The following ZNF627 variants were observed in gnomAD, a reference collection of about 807,000 sequenced individuals.
ZNF627 encodes the protein zinc finger protein 627.
In ZNF627, 12 loss-of-function variants were observed where a neutral mutation model predicts 10.6. The ratio of observed to expected loss-of-function variants is 1.13; its 90% confidence interval spans 0.73 to 1.84. The LOEUF (loss-of-function observed/expected upper bound fraction) is 1.84. Ranked by LOEUF, ZNF627 falls within the 40% of genes most tolerant of loss-of-function variation. The pLI, the probability that ZNF627 is intolerant of heterozygous loss-of-function variation, is 0.00. For synonymous variants in ZNF627, 176 were observed against 187.1 expected (o/e 0.94, Z 0.48); for missense variants, 504 against 568.4 (o/e 0.89, Z 1.15).
At chr19:11,603,974 ATT>A (rs113212956) in intron 1 of ZNF627, among the ~76,000 whole-genome samples, 7 of 141,772 alleles carry the variant, frequency 4.9e-5, no homozygotes, top group Admixed American at 1.4e-4. Context: ...CATCTGGCTA[ATT>A]TTTTTTTTTT....
intron 1 of ZNF627, among the ~76,000 whole-genome samples, chr19:11,613,069 C>CT: frequency 1.1e-5 from 1 of 88,770 alleles, no homozygotes; most frequent in African/African-American, 4.5e-5. Flanking sequence ...TGTACCTCCC[C>CT]TCCCCTCCCT....
At chr19:11,599,256 C>G (rs562256068) in intron 1 of ZNF627, among the ~76,000 whole-genome samples, 62 of 152,154 alleles carry the variant, frequency 4.1e-4, no homozygotes, top group Non-Finnish European at 7.2e-4. Context: ...GTCCTGGGGT[C>G]GGAGGAATCT....
chr19:11,598,231 T>G (rs1973526014), intron 1 of ZNF627, among the ~76,000 whole-genome samples: 1 of 152,164 alleles, frequency 6.6e-6, no homozygotes, highest in South Asian at 2.1e-4. Context: ...AAACTGGTAA[T>G]TTATAAGAAT....
chr19:11,614,508 C>T lies in ZNF627; in HGVS notation c.4-19C>T. ...TGTCTGTCTCAACCTTCCTCCTCCACACATGGGGGATGTTTCAGGATTCAG... is the reference window on the plus strand; with the variant it reads ...TGTCTGTCTCAACCTTCCTCCTCCATACATGGGGGATGTTTCAGGATTCAG... On this transcript the variant is annotated intron_variant, in intron 1 of 3. Transcript: ENST00000361113. 1.2e-6 allele frequency: 2 copies of T among 1,613,694 alleles called. No homozygotes were observed. The highest frequency in any genetic ancestry group is 8.5e-7 in the Non-Finnish European group (1 of 1,179,920).
chr19:11,605,227 T>G (rs1420053586), intron 1 of ZNF627, among the ~76,000 whole-genome samples: 1 of 151,628 alleles, frequency 6.6e-6, no homozygotes, highest in Non-Finnish European at 1.5e-5. Context: ...GGGTTACAGG[T>G]GCCCACCACC....
chr19:11,613,065 T>C, intron 1 of ZNF627, among the ~76,000 whole-genome samples: 2 of 79,294 alleles, frequency 2.5e-5, no homozygotes, highest in Non-Finnish European at 5.2e-5. Flanking sequence ...AATGTGTACC[T>C]CCCCTCCCCT....
At chr19:11,598,644 T>C (rs182923112) in intron 1 of ZNF627, among the ~76,000 whole-genome samples, 40 of 152,256 alleles carry the variant, frequency 2.6e-4, no homozygotes, top group African/African-American at 8.4e-4. Flanking sequence ...TTCACCATAT[T>C]CCCAAAAGGT....
At chr19:11,600,198 T>G (rs75024937) in intron 1 of ZNF627, among the ~76,000 whole-genome samples, 2,969 of 152,182 alleles carry the variant, frequency 0.02, 93 homozygotes, top group East Asian at 0.13. Flanking sequence ...CCCAGCACTT[T>G]GGGAGGCTGA....
At chr19:11,614,791 C>G (rs1973837571) in intron 2 of ZNF627, 36 bp from the exon 3 acceptor site, 1 of 1,589,460 alleles carries the variant, frequency 6.3e-7, no homozygotes, top group Non-Finnish European at 8.6e-7. Flanking sequence ...TAATTTTATA[C>G]TAATTCATAA....
intron 1 of ZNF627, among the ~76,000 whole-genome samples, chr19:11,604,742 T>A (rs1352906857): frequency 1.3e-5 from 2 of 152,198 alleles, no homozygotes; most frequent in South Asian, 2.1e-4. Flanking sequence ...AGGAAAAGTT[T>A]ATTAAGCACA....
intron 1 of ZNF627, among the ~76,000 whole-genome samples, chr19:11,606,415 G>T (rs1377385788): frequency 6.6e-6 from 1 of 152,158 alleles, no homozygotes; most frequent in Non-Finnish European, 1.5e-5. Flanking sequence ...CAAGAGGTGG[G>T]CTCCCTCAAC....
chr19:11,603,379 T>G (rs1293128056), intron 1 of ZNF627, among the ~76,000 whole-genome samples: 1 of 146,996 alleles, frequency 6.8e-6, no homozygotes, highest in African/African-American at 2.5e-5. Flanking sequence ...GCCTCCGGGC[T>G]CAAGTGATTC....
In ZNF627 at chr19:11,616,932, G is replaced by A; in HGVS notation, c.429G>A (p.Gln143=). 1.2e-6 allele frequency: 2 copies of A among 1,614,194 alleles called. No homozygotes were observed. The highest frequency in any genetic ancestry group is 1.7e-6 in the Non-Finnish European group (2 of 1,180,034). ...EYGKKSYTRN[Q]CGRALSYHRS... Reference sequence around the variant, plus strand: ...GAAAGAAGTCATATACACGTAACCAGTGTGGACGAGCCTTGAGTTATCATC... The same window carrying A: ...GAAAGAAGTCATATACACGTAACCAATGTGGACGAGCCTTGAGTTATCATC... Residue 143 remains glutamine (Q), a synonymous_variant, in exon 4 of 4, where the codon CAG becomes CAA. Transcript: ENST00000361113.
intron 1 of ZNF627, among the ~76,000 whole-genome samples, chr19:11,604,819 A>C (rs1159832251): frequency 1.3e-5 from 2 of 152,186 alleles, no homozygotes; most frequent in African/African-American, 2.4e-5. Flanking sequence ...TGCAGCAGGA[A>C]TATTATTGGA....
intron 1 of ZNF627, among the ~76,000 whole-genome samples, chr19:11,614,020 C>T (rs981228722): frequency 6.8e-6 from 1 of 148,064 alleles, no homozygotes; most frequent in Non-Finnish European, 1.5e-5. Flanking sequence ...CTTCTGGGTT[C>T]ACGCCATTCT....
At chr19:11,610,607 C>A (rs540251715) in intron 1 of ZNF627, among the ~76,000 whole-genome samples, 20 of 152,166 alleles carry the variant, frequency 1.3e-4, no homozygotes, top group African/African-American at 3.9e-4. Flanking sequence ...TGTCTAAAAA[C>A]AACAACAAAA....
rs1487198109 is a variant in ZNF627 at position 11,616,786 on chromosome 19, A to C, written c.283A>C (p.Thr95Pro). Residue 95 changes from threonine (T) to proline (P), a missense_variant, in exon 4 of 4, where the codon ACT becomes CCT. Physicochemically the swap from Thr to Pro is conservative, Grantham distance 38. Coordinates refer to ENST00000361113, the MANE Select transcript of ZNF627 (RefSeq NM_145295.4). ...QIPDGILNKK[T>P]PGVKPCESSV... ...TCCAGATGGTATTCTGAACAAGAAAACTCCTGGAGTAAAACCGTGTGAAAG... is the reference window on the plus strand; with the variant it reads ...TCCAGATGGTATTCTGAACAAGAAACCTCCTGGAGTAAAACCGTGTGAAAG... 2 of 1,613,828 alleles carry C rather than the reference A, an allele frequency of 1.2e-6. No homozygotes were observed.
intron 1 of ZNF627, among the ~76,000 whole-genome samples, chr19:11,602,773 G>A (rs1261329275): frequency 6.6e-6 from 1 of 152,230 alleles, no homozygotes; most frequent in Non-Finnish European, 1.5e-5. Context: ...TATGAAAAAA[G>A]ACACTAGAGA....
Position 11,619,110 on chromosome 19 carries a change from G to A in ZNF627, c.*1221G>A, listed in dbSNP as rs1973928253. 1.3e-5 allele frequency: 2 copies of A among 152,068 alleles called. No homozygotes were observed. The highest frequency in any genetic ancestry group is 4.8e-5 in the African/African-American group (2 of 41,408). 9.4% of individuals were successfully genotyped at this position (152,068 alleles called of 1,614,324 possible). On this transcript the variant is annotated 3_prime_UTR_variant, in exon 4 of 4. Coordinates refer to ENST00000361113, the MANE Select transcript of ZNF627 (RefSeq NM_145295.4). The stretch of plus-strand genomic sequence containing the variant: ...GTTGTCAAAGAGGGTGTAATAAACT[G>A]TAATAATAATCATGACCACAAACCA...
Sources: allele counts gnomAD v4.1 joint callset (sites outside exome capture counted in the v4.1 genomes callset), GRCh38; gene constraint gnomAD v4.1.1; transcripts MANE v1.5; gene names NCBI Gene and HGNC (gene_info 2026-07-23, HGNC 2026-07-21).